RUNX1: variants seen among roughly 807,000 people sequenced by gnomAD.
RUNX1 encodes the protein RUNX family transcription factor 1, also known as runt-related transcription factor 1.
Under a neutral mutation model 42.8 loss-of-function variants are expected in RUNX1, and 19 were observed. The ratio of observed to expected loss-of-function variants is 0.44; its 90% CI spans 0.31 to 0.65. The LOEUF (loss-of-function observed/expected upper bound fraction) is 0.65, where lower values mean the gene tolerates loss of function less well. RUNX1 is among the 30% of genes least tolerant of loss of function. RUNX1 has a pLI of 0.07. For missense variants in RUNX1, 528 were observed against 672.0 expected (o/e 0.79, Z 2.37); for synonymous variants, 271 against 289.4 (o/e 0.94, Z 0.64).
intron 2 of RUNX1, among the ~76,000 whole-genome samples, chr21:35,025,080 G>A (rs959481589): frequency 6.6e-6 from 1 of 152,222 alleles, no homozygotes; most frequent in African/African-American, 2.4e-5. Flanking sequence ...TAATAATGGT[G>A]CTGTTAGAAT....
chr21:34,801,249 G>GC (rs1353197279), intron 7 of RUNX1, among the ~76,000 whole-genome samples: 3 of 151,880 alleles, frequency 2.0e-5, no homozygotes, highest in Non-Finnish European at 4.4e-5. Context: ...CTGTCATAAA[G>GC]CCCCCCGGGG....
At chr21:34,834,622 G>T in intron 6 of RUNX1, 21 bp from the exon 7 acceptor site, 2 of 1,523,818 alleles carry the variant, frequency 1.3e-6, no homozygotes, top group Non-Finnish European at 1.8e-6. Flanking sequence ...GAGCAGGGAG[G>T]GGAGGGGATG....
At chr21:34,817,265 A>G (rs371397253) in intron 7 of RUNX1, among the ~76,000 whole-genome samples, 56 of 152,280 alleles carry the variant, frequency 3.7e-4, no homozygotes, top group South Asian at 1.2e-3. Context: ...CTGCCTCTGA[A>G]AAGTTGTCCT....
At chr21:35,038,601 CTCTCTCTCTCTCTGTGTGTG>C (rs1280187888) in intron 2 of RUNX1, 3 of 336,822 alleles carry the variant, frequency 8.9e-6, no homozygotes, top group African/African-American at 7.6e-5. Context: ...CTCTCTCTCT[CTCTCTCTCTCTCTGTGTGTG>C]TGTGTGTGTG....
chr21:34,973,367 ACG>A (rs1322492181), intron 2 of RUNX1, among the ~76,000 whole-genome samples: 4 of 152,198 alleles, frequency 2.6e-5, no homozygotes, highest in Non-Finnish European at 5.9e-5. Flanking sequence ...AATCCCTGCA[ACG>A]TACTGGCTTC....
At chr21:34,889,327 G>A (rs1351574848) in intron 3 of RUNX1, among the ~76,000 whole-genome samples, 2 of 152,156 alleles carry the variant, frequency 1.3e-5, no homozygotes, top group Non-Finnish European at 2.9e-5. Context: ...GAGGCCGGAC[G>A]GCGTCCGCGC....
intron 4 of RUNX1, among the ~76,000 whole-genome samples, chr21:34,882,270 A>T (rs1013162943): frequency 2.6e-5 from 4 of 152,138 alleles, no homozygotes; most frequent in Admixed American, 2.6e-4. Context: ...TGGCCTCCAG[A>T]TGACTATCTA....
chr21:34,859,428 G>A (rs767055903), intron 6 of RUNX1, 46 bp downstream of exon 6: 2 of 1,308,558 alleles, frequency 1.5e-6, no homozygotes, highest in Middle Eastern at 1.8e-4. Context: ...AGCCTGGAGG[G>A]TGTACCAGCC....
Position 34,790,632 on chromosome 21 carries a change from C to CCCTA in RUNX1, c.*1502_*1503insTAGG, listed in dbSNP as rs1439632550. The CCCTA allele has an allele frequency of 2.6e-5, 6 of 233,164 alleles. No homozygotes were observed. In the East Asian group the frequency reaches 3.6e-4, roughly 14 times the overall value. The allele number at this position is 233,164 out of a possible 1,614,324, so 14.4% of individuals were successfully genotyped here. On this transcript the variant is annotated 3_prime_UTR_variant, in exon 9 of 9. Transcript: ENST00000675419. ...TGGTGCACAGGTAAAAGCCCATATACCCCATAGGGTAGGGTCTCAGCCTGG... is the reference window on the plus strand; with the variant it reads ...TGGTGCACAGGTAAAAGCCCATATACCCTACCCATAGGGTAGGGTCTCAGCCTGG...
chr21:34,901,383 C>A lies in RUNX1; in HGVS notation c.59-8420G>T, dbSNP rs767958925. On this transcript the variant is annotated intron_variant, in intron 2 of 8. Transcript: ENST00000675419. This position sits in a 1 kb window ranked among gnomAD's most constrained non-coding sequence, Gnocchi z 4.3. ...AAAGTAGCTGGGCGTGGTGGCGGCG[C>A]GTGCCTGTAGTCCCAGCTACTCGAG... Among the ~76,000 whole-genome samples the A allele has an allele frequency of 1.3e-5, 2 of 151,980 alleles. No homozygotes were observed. Among genetic ancestry groups the A allele is most frequent in the Non-Finnish European group, 2.9e-5 (2 of 67,988 alleles).
intron 6 of RUNX1, among the ~76,000 whole-genome samples, chr21:34,850,293 A>G (rs1318115137): frequency 6.6e-6 from 1 of 152,174 alleles, no homozygotes; most frequent in Non-Finnish European, 1.5e-5. Flanking sequence ...CAGACCCCCA[A>G]AGGACACAGG....
intron 3 of RUNX1, chr21:34,888,675 G>A: frequency 9.6e-7 from 1 of 1,044,220 alleles, no homozygotes; most frequent in Non-Finnish European, 1.2e-6. Flanking sequence ...TCCCGCCCGC[G>A]CCCGCTGGCT....
At chr21:35,018,606 C>A (rs531539402) in intron 2 of RUNX1, among the ~76,000 whole-genome samples, 1 of 152,198 alleles carries the variant, frequency 6.6e-6, no homozygotes, top group Non-Finnish European at 1.5e-5. Flanking sequence ...GATCTGATAT[C>A]GTTTGAATTA....
At chr21:34,867,377 T>C (rs1022821215) in intron 5 of RUNX1, among the ~76,000 whole-genome samples, 3 of 151,930 alleles carry the variant, frequency 2.0e-5, no homozygotes, top group Admixed American at 2.0e-4. Context: ...GAGGCGGAGG[T>C]TGCAGTGAGC....
chr21:34,972,394 T>C (rs1210764062), intron 2 of RUNX1, among the ~76,000 whole-genome samples: 1 of 152,234 alleles, frequency 6.6e-6, no homozygotes, highest in Non-Finnish European at 1.5e-5. Flanking sequence ...TTTATATCTC[T>C]GGCCTCATGT....
intron 2 of RUNX1, among the ~76,000 whole-genome samples, chr21:34,969,944 G>C (rs1026619083): frequency 6.6e-6 from 1 of 152,190 alleles, no homozygotes; most frequent in South Asian, 2.1e-4. Flanking sequence ...GATCATATCT[G>C]TTCTGGGGAT....
In RUNX1 at chr21:34,849,299, TATATAATATA is replaced by T. The variant is rs1262514569; in HGVS notation, c.613+10165_613+10174del. On this transcript the variant is annotated intron_variant, in intron 6 of 8. Transcript: ENST00000675419. ...TATATAATATATATTATATATAAAA[TATATAATATA>T]TATTATATATATATTATATATACTA... is the stretch of plus-strand genomic sequence containing the variant. 1.3e-4 allele frequency among the ~76,000 whole-genome samples: 7 copies of T among 51,954 alleles called. 1 individual carries two copies. Among genetic ancestry groups the T allele is most frequent in the Admixed American group, 1.2e-3 (3 of 2,436 alleles). 34.1% of individuals were successfully genotyped at this position (51,954 alleles called of 152,430 possible).
chr21:34,897,120 C>T (rs868619731), intron 2 of RUNX1, among the ~76,000 whole-genome samples: 2 of 152,312 alleles, frequency 1.3e-5, no homozygotes, highest in South Asian at 2.1e-4. Context: ...CCCCACTGCA[C>T]CATCATTCTC....
intron 2 of RUNX1, among the ~76,000 whole-genome samples, chr21:34,993,690 C>G: frequency 7.1e-6 from 1 of 141,714 alleles, no homozygotes; most frequent in Non-Finnish European, 1.5e-5. Context: ...GACACACACA[C>G]AGGCGCACAC....
Sources: allele counts gnomAD v4.1 joint callset (sites outside exome capture counted in the v4.1 genomes callset), GRCh38; gene constraint gnomAD v4.1.1; non-coding constraint Gnocchi (gnomAD v3.1); transcripts MANE v1.5; gene names NCBI Gene and HGNC (gene_info 2026-07-23, HGNC 2026-07-21).